MAP7: variants seen among roughly 807,000 people sequenced by gnomAD.
MAP7 encodes microtubule associated protein 7.
Under a neutral mutation model 94.8 loss-of-function variants are expected in MAP7, and 52 were observed. The observed-to-expected ratio is 0.55, with a 90% CI of 0.44 to 0.69. MAP7 has a LOEUF of 0.69. MAP7 is among the 30% of genes least tolerant of loss of function. The pLI, the probability that MAP7 is intolerant of heterozygous loss-of-function variation, is 0.00. For synonymous variants in MAP7, 350 were observed against 357.0 expected (o/e 0.98, Z 0.22); for missense variants, 940 against 964.6 (o/e 0.97, Z 0.34).
intron 6 of MAP7, among the ~76,000 whole-genome samples, chr6:136,381,328 A>G (rs1290728384): frequency 1.3e-5 from 2 of 151,968 alleles, no homozygotes; most frequent in Admixed American, 1.3e-4. Context: ...ACAGGTGCAC[A>G]CCATCACGCT....
In MAP7 at chr6:136,383,671, C is replaced by A; in HGVS notation, c.637G>T (p.Ala213Ser). 1 of 1,562,560 alleles carries A rather than the reference C, an allele frequency of 6.4e-7. No individual in the cohort carries two copies. Among genetic ancestry groups the A allele is most frequent in the Admixed American group, 1.7e-5 (1 of 58,420 alleles). The change falls in exon 6 of 18, where the codon GCT becomes TCT. Residue 213 changes from alanine (A) to serine (S), a missense_variant and splice_region_variant. Coordinates refer to ENST00000354570, the MANE Select transcript of MAP7 (RefSeq NM_003980.6). ...TTTTTTGTTTTCCTTTGGACTGTAC[C>A]TCTATCTGGAGAATTTAGTAAAGTT... ...SATLLNSPDR[A>S]RRLQLSPWES...
chr6:136,447,827 T>C (rs1238384714), intron 1 of MAP7, among the ~76,000 whole-genome samples: 1 of 152,182 alleles, frequency 6.6e-6, no homozygotes, highest in Non-Finnish European at 1.5e-5. Context: ...ATTAAAATAC[T>C]CTCTTTTCCC....
chr6:136,536,512 T>A (rs932214494), intron 1 of MAP7, among the ~76,000 whole-genome samples: 1 of 152,226 alleles, frequency 6.6e-6, no homozygotes, highest in African/African-American at 2.4e-5. Flanking sequence ...TTTGCCTTTT[T>A]CATAAAGTGT....
chr6:136,512,240 T>C (rs1823501284), intron 1 of MAP7, among the ~76,000 whole-genome samples: 1 of 152,224 alleles, frequency 6.6e-6, no homozygotes, highest in African/African-American at 2.4e-5. Flanking sequence ...TCAGTTATCT[T>C]ATGAGGAACC....
chr6:136,485,784 G>C (rs954597632), intron 1 of MAP7, among the ~76,000 whole-genome samples: 1 of 151,692 alleles, frequency 6.6e-6, no homozygotes, highest in South Asian at 2.1e-4. Flanking sequence ...GGATGGTCTC[G>C]ATCTCCTGAC....
chr6:136,408,106 A>G (rs1786196395), intron 3 of MAP7, among the ~76,000 whole-genome samples: 1 of 152,180 alleles, frequency 6.6e-6, no homozygotes, highest in Non-Finnish European at 1.5e-5. Context: ...CCACCCTTGG[A>G]AAACAAAAAA....
intron 1 of MAP7, among the ~76,000 whole-genome samples, chr6:136,457,455 T>C (rs1310763741): frequency 6.6e-6 from 1 of 152,160 alleles, no homozygotes; most frequent in Non-Finnish European, 1.5e-5. Context: ...GGGAACACTC[T>C]TGAACTCAAA....
Position 136,362,681 on chromosome 6 carries a change from G to A in MAP7, c.1295C>T (p.Ala432Val). 6.2e-7 allele frequency: 1 copy of A among 1,603,350 alleles called. No homozygotes were observed. Among genetic ancestry groups the A allele is most frequent in the Non-Finnish European group, 8.5e-7 (1 of 1,176,412 alleles). Residue 432 changes from alanine to valine, a missense_variant, in exon 11 of 18, where the codon GCT becomes GTT. Ala to Val is a moderately conservative substitution (Grantham distance 64, BLOSUM62 0). Transcript: ENST00000354570. ...GGCTGGAGCTGGGGCCGAGGCTGGAGCTGGGGCCATGGCTGGAGCAGCTGC... is the reference window on the plus strand; with the variant it reads ...GGCTGGAGCTGGGGCCGAGGCTGGAACTGGGGCCATGGCTGGAGCAGCTGC... ...VGPAAPAMAP[A>V]PASAPAPASA...
At chr6:136,373,113 T>C (rs976563455) in intron 7 of MAP7, among the ~76,000 whole-genome samples, 1 of 152,192 alleles carries the variant, frequency 6.6e-6, no homozygotes, top group Non-Finnish European at 1.5e-5. Context: ...AAGCAAGATA[T>C]ACTACAACTG....
At chr6:136,509,609 A>G (rs1183918984) in intron 1 of MAP7, among the ~76,000 whole-genome samples, 1 of 152,042 alleles carries the variant, frequency 6.6e-6, no homozygotes, top group Non-Finnish European at 1.5e-5. Context: ...CACAGGCTGG[A>G]GTGCAGTGGC....
At chr6:136,506,052 A>T (rs1421489813) in intron 1 of MAP7, among the ~76,000 whole-genome samples, 1 of 152,206 alleles carries the variant, frequency 6.6e-6, no homozygotes, top group Non-Finnish European at 1.5e-5. Flanking sequence ...TGTCAAATCA[A>T]CAACAAAAAA....
intron 16 of MAP7, among the ~76,000 whole-genome samples, chr6:136,355,098 C>T (rs1433189975): frequency 6.6e-6 from 1 of 151,976 alleles, no homozygotes; most frequent in Non-Finnish European, 1.5e-5. Flanking sequence ...CTCCTTGAAC[C>T]CAGGAGGTGG....
chr6:136,424,972 G>A (rs1792705489), intron 1 of MAP7, among the ~76,000 whole-genome samples: 1 of 152,174 alleles, frequency 6.6e-6, no homozygotes, highest in South Asian at 2.1e-4. Flanking sequence ...CCTTATCCAT[G>A]GAGGAATACT....
chr6:136,388,062 T>A (rs1157326036), intron 5 of MAP7, among the ~76,000 whole-genome samples: 1 of 152,162 alleles, frequency 6.6e-6, no homozygotes, highest in African/African-American at 2.4e-5. Context: ...TAAAACTAGT[T>A]AACTTATTCC....
chr6:136,348,192 A>T (rs1306228356), intron 16 of MAP7, among the ~76,000 whole-genome samples: 2 of 152,234 alleles, frequency 1.3e-5, no homozygotes, highest in African/African-American at 4.8e-5. Flanking sequence ...AGGATAAAGA[A>T]CAGGAACGTA....
intron 1 of MAP7, among the ~76,000 whole-genome samples, chr6:136,473,248 C>A (rs1356402982): frequency 6.6e-6 from 1 of 152,178 alleles, no homozygotes; most frequent in East Asian, 1.9e-4. Context: ...TCTCTAACAG[C>A]ATTACTGCAG....
chr6:136,490,483 T>C (rs1250837859), intron 1 of MAP7, among the ~76,000 whole-genome samples: 1 of 139,148 alleles, frequency 7.2e-6, no homozygotes, highest in Non-Finnish European at 1.5e-5. Flanking sequence ...TGCCCTTTTC[T>C]CAATAATTCA....
rs3799428 is a variant in MAP7 at position 136,444,704 on chromosome 6, C to T, written c.68-22905G>A. Among the ~76,000 whole-genome samples the T allele has an allele frequency of 0.012, 1,882 of 152,292 alleles. 82 individuals are homozygous for T. In the East Asian group the frequency reaches 0.14, roughly 11 times the overall value. On this transcript the variant is annotated intron_variant, in intron 1 of 17. Transcript: ENST00000354570. ...GTAAATATTCCCTTTTAAAAAAATA[C>T]GGTCCTACCATATGAACTAATAATT...
chr6:136,370,945 C>T (rs868029737), intron 8 of MAP7, among the ~76,000 whole-genome samples: 1 of 150,366 alleles, frequency 6.7e-6, no homozygotes, highest in South Asian at 2.1e-4. Context: ...TTTTTAAAAA[C>T]TTAAAATTTA....
Sources: gnomAD v4.1 joint callset for allele counts (sites outside exome capture counted in the v4.1 genomes callset) on GRCh38, gnomAD v4.1.1 for gene constraint, MANE v1.5 for transcripts, NCBI Gene and HGNC (gene_info 2026-07-23, HGNC 2026-07-21) for gene names.